SUGCT: variants seen among roughly 807,000 people sequenced by gnomAD.
The protein encoded by SUGCT is succinyl-CoA:glutarate-CoA transferase, also known as succinyl-CoA:glutarate CoA-transferase.
In SUGCT, 41 loss-of-function variants were observed where a neutral mutation model predicts 55.0. That is an observed-to-expected ratio of 0.74 (90% CI 0.58 to 0.97). The LOEUF is 0.97. SUGCT is among the 50% of genes least tolerant of loss of function. The probability of loss-of-function intolerance (pLI) is 0.00; values close to 1 mark genes in which losing one functional copy is unlikely to be tolerated. For missense variants in SUGCT, 568 were observed against 547.8 expected, an observed-to-expected ratio of 1.04 and a Z score of -0.37; for synonymous variants, 187 against 200.4, an observed-to-expected ratio of 0.93 and a Z score of 0.56.
intron 1 of SUGCT, among the ~76,000 whole-genome samples, chr7:40,142,111 G>A (rs1788020221): frequency 6.6e-6 from 1 of 152,070 alleles, no homozygotes; most frequent in Admixed American, 6.6e-5. Flanking sequence ...ATGACTTAGG[G>A]TGGAATAGGT....
At chr7:40,232,953 T>C (rs1230406020) in intron 6 of SUGCT, among the ~76,000 whole-genome samples, 1 of 152,150 alleles carries the variant, frequency 6.6e-6, no homozygotes, top group African/African-American at 2.4e-5. Flanking sequence ...AAAATAAAAT[T>C]TAAAGGAACT....
the SUGCT span, among the ~76,000 whole-genome samples, chr7:40,955,368 C>T: frequency 1.3e-5 from 2 of 152,044 alleles, no homozygotes; most frequent in African/African-American, 4.8e-5. Flanking sequence ...AAGTTGTATT[C>T]CTAGGTATTT....
At chr7:40,563,711 CTAA>C (rs1489697297) in intron 12 of SUGCT, among the ~76,000 whole-genome samples, 1 of 150,630 alleles carries the variant, frequency 6.6e-6, no homozygotes, top group African/African-American at 2.4e-5. Flanking sequence ...AATACTGTCT[CTAA>C]TGATAATAAT....
chr7:40,879,775 G>C, the SUGCT span, among the ~76,000 whole-genome samples: 2 of 152,178 alleles, frequency 1.3e-5, no homozygotes, highest in African/African-American at 4.8e-5. Context: ...GTCTGCAGTT[G>C]GGCAGTGCTT....
chr7:40,181,832 T>C, intron 2 of SUGCT, 123 bp from the exon 3 acceptor site: 1 of 604,156 alleles, frequency 1.7e-6, no homozygotes, highest in Non-Finnish European at 2.9e-6. Context: ...AATTACAGTT[T>C]TAACTGTTTT....
the SUGCT span, among the ~76,000 whole-genome samples, chr7:40,891,682 A>G: frequency 3.9e-5 from 6 of 152,186 alleles, no homozygotes; most frequent in Admixed American, 1.3e-4. Context: ...TTTGAGTTGA[A>G]AAAAATTATG....
intron 9 of SUGCT, among the ~76,000 whole-genome samples, chr7:40,446,778 C>T (rs1204079234): frequency 6.6e-6 from 1 of 152,148 alleles, no homozygotes; most frequent in East Asian, 1.9e-4. Context: ...ATGACCAATA[C>T]AATCTCCCAG....
At chr7:40,323,185 C>G (rs1365458412) in intron 9 of SUGCT, among the ~76,000 whole-genome samples, 1 of 152,034 alleles carries the variant, frequency 6.6e-6, no homozygotes, top group Non-Finnish European at 1.5e-5. Context: ...ATAGAGGACC[C>G]TTGCAACAGT....
At chr7:40,620,731 G>A (rs1441030857) in intron 12 of SUGCT, among the ~76,000 whole-genome samples, 1 of 152,014 alleles carries the variant, frequency 6.6e-6, no homozygotes, top group African/African-American at 2.4e-5. Flanking sequence ...ATGGTACTTA[G>A]CATTTGGTGA....
At chr7:40,174,707 A>C (rs1156960900) in intron 1 of SUGCT, among the ~76,000 whole-genome samples, 1 of 152,196 alleles carries the variant, frequency 6.6e-6, no homozygotes, top group Non-Finnish European at 1.5e-5. Flanking sequence ...AAAAAACAAA[A>C]TTTCTGCCAT....
chr7:40,999,227 T>A, the SUGCT span, among the ~76,000 whole-genome samples: 1 of 152,128 alleles, frequency 6.6e-6, no homozygotes, highest in African/African-American at 2.4e-5. Flanking sequence ...GCTTTTTTTT[T>A]TTCTCATTTT....
chr7:40,567,167 A>G (rs145416719), intron 12 of SUGCT, among the ~76,000 whole-genome samples: 4 of 152,342 alleles, frequency 2.6e-5, no homozygotes, highest in African/African-American at 7.2e-5. Flanking sequence ...TATTGCTTCT[A>G]TAAACACTGA....
the SUGCT span, among the ~76,000 whole-genome samples, chr7:41,025,058 A>C: frequency 6.6e-6 from 1 of 152,224 alleles, no homozygotes; most frequent in Non-Finnish European, 1.5e-5. Flanking sequence ...TTACAAATGC[A>C]TTATATAATT....
chr7:40,956,787 T>A, the SUGCT span, among the ~76,000 whole-genome samples: 1 of 152,112 alleles, frequency 6.6e-6, no homozygotes, highest in Non-Finnish European at 1.5e-5. Flanking sequence ...ACACTGCTTT[T>A]GCTGTGTCCC....
intron 12 of SUGCT, among the ~76,000 whole-genome samples, chr7:40,626,617 T>G (rs2151801088): frequency 6.6e-6 from 1 of 152,294 alleles, no homozygotes; most frequent in South Asian, 2.1e-4. Context: ...AATGTGTGCT[T>G]TCTGCAGGAT....
the SUGCT span, among the ~76,000 whole-genome samples, chr7:40,913,775 C>A: frequency 6.6e-6 from 1 of 152,262 alleles, no homozygotes; most frequent in South Asian, 2.1e-4. Flanking sequence ...GTTAAAGGGG[C>A]AGCTCTATCT....
intron 7 of SUGCT, among the ~76,000 whole-genome samples, chr7:40,249,387 A>G (rs1790202716): frequency 7.1e-6 from 1 of 141,734 alleles, no homozygotes; most frequent in African/African-American, 2.6e-5. Flanking sequence ...AATATTACAT[A>G]TAATATAATA....
chr7:40,338,266 C>G (rs1033950884), intron 9 of SUGCT, among the ~76,000 whole-genome samples: 1 of 152,126 alleles, frequency 6.6e-6, no homozygotes, highest in African/African-American at 2.4e-5. Flanking sequence ...GTGGCATTCT[C>G]TGTATTTCCT....
chr7:40,600,914 GGTACTTAT>G (rs1440701902), intron 12 of SUGCT, among the ~76,000 whole-genome samples: 2 of 151,864 alleles, frequency 1.3e-5, no homozygotes, highest in African/African-American at 4.8e-5. Context: ...TACTTTTTAA[GGTACTTAT>G]GTTCAACACT....
Sources: allele counts gnomAD v4.1 joint callset (sites outside exome capture counted in the v4.1 genomes callset), GRCh38; gene constraint gnomAD v4.1.1; transcripts MANE v1.5; gene names NCBI Gene and HGNC (gene_info 2026-07-23, HGNC 2026-07-21).